CCDC57: variants seen among roughly 807,000 people sequenced by gnomAD.
CCDC57 encodes the protein coiled-coil domain containing 57.
CCDC57 carries 118 observed loss-of-function variants against 118.9 expected under a neutral mutation model. That is an observed-to-expected ratio of 0.99 (90% CI 0.86 to 1.16). The LOEUF (loss-of-function observed/expected upper bound fraction) is 1.16. Among genes scored for constraint, CCDC57 ranks in the 50% most tolerant of loss-of-function variants. The pLI is 0.00. For missense variants in CCDC57, 1,300 were observed against 1,320.7 expected, an observed-to-expected ratio of 0.98 and a Z score of 0.24; for synonymous variants, 527 against 532.9, an observed-to-expected ratio of 0.99 and a Z score of 0.15.
intron 19 of CCDC57, among the ~76,000 whole-genome samples, chr17:82,117,742 C>CAAA (rs1478642747): frequency 8.9e-5 from 12 of 135,068 alleles, no homozygotes; most frequent in African/African-American, 2.9e-4. Flanking sequence ...ATCAGATTGG[C>CAAA]CAACAAACAA....
chr17:82,138,560 GA>G (rs1202807753), intron 16 of CCDC57, among the ~76,000 whole-genome samples: 2 of 152,100 alleles, frequency 1.3e-5, no homozygotes, highest in Non-Finnish European at 2.9e-5. Context: ...AAAGTAAAAA[GA>G]AAAAAGATGT....
chr17:82,148,749 T>G (rs2041350579), intron 16 of CCDC57, among the ~76,000 whole-genome samples: 2 of 13,270 alleles, frequency 1.5e-4, no homozygotes, highest in Non-Finnish European at 2.7e-4. Context: ...GGTGGGTGAA[T>G]GGGTGGGTGG....
chr17:82,112,971 T>C (rs2035395120), intron 19 of CCDC57: 1 of 184,298 alleles, frequency 5.4e-6, no homozygotes, highest in Non-Finnish European at 1.1e-5. Context: ...GAAGCAGAAG[T>C]GAGTGCCAGC....
intron 19 of CCDC57, among the ~76,000 whole-genome samples, chr17:82,104,498 G>A (rs1300212515): frequency 3.3e-5 from 5 of 152,110 alleles, no homozygotes; most frequent in East Asian, 1.9e-4. Context: ...GCTGGGCTCC[G>A]TCCCCTCAGG....
In CCDC57 at chr17:82,201,893, C is replaced by A; in HGVS notation, c.52G>T (p.Glu18Ter). Residue 18 changes from glutamate (E) to a stop codon, truncating the protein, a stop_gained, in exon 3 of 20, where the codon GAG becomes TAG. Transcript: ENST00000665763. LOFTEE classifies it high-confidence loss of function. ...GCCTGCAGCGCCCTCCACTCCTCCTCCTTGCGAAGCAGCAGCTCATTCAGG... is the reference window on the plus strand; with the variant it reads ...GCCTGCAGCGCCCTCCACTCCTCCTACTTGCGAAGCAGCAGCTCATTCAGG... The A allele has an allele frequency of 6.2e-7, 1 of 1,608,828 alleles. No individual in the cohort carries two copies. The highest frequency in any genetic ancestry group is 8.5e-7 in the Non-Finnish European group (1 of 1,176,646).
chr17:82,142,859 G>A (rs559545467), intron 16 of CCDC57, among the ~76,000 whole-genome samples: 7 of 152,026 alleles, frequency 4.6e-5, no homozygotes, highest in Non-Finnish European at 8.8e-5. Context: ...CAAGTAGCTC[G>A]TGAAATAGAA....
chr17:82,182,982 G>A (rs1412746730), intron 9 of CCDC57, among the ~76,000 whole-genome samples: 2 of 152,114 alleles, frequency 1.3e-5, no homozygotes, highest in Non-Finnish European at 2.9e-5. Flanking sequence ...CATCACACCC[G>A]GCCCACCAAA....
At chr17:82,166,313 C>T (rs1339703477) in intron 13 of CCDC57, among the ~76,000 whole-genome samples, 1 of 148,644 alleles carries the variant, frequency 6.7e-6, no homozygotes, top group East Asian at 2.0e-4. Flanking sequence ...AGTTTAAGAT[C>T]AGCCTGGGCA....
chr17:82,184,039 A>ACACACG (rs2046625006), intron 8 of CCDC57, 107 bp from the exon 8 acceptor site: 1 of 406,278 alleles, frequency 2.5e-6, no homozygotes, highest in Non-Finnish European at 4.6e-6. Context: ...GCGCACACAC[A>ACACACG]CACACACACA....
intron 17 of CCDC57, among the ~76,000 whole-genome samples, chr17:82,132,911 C>T (rs929000619): frequency 2.6e-5 from 4 of 151,982 alleles, no homozygotes; most frequent in African/African-American, 7.3e-5. Context: ...AGGCGAGTGC[C>T]ACCATGCCCG....
Position 82,172,620 on chromosome 17 carries a change from T to G in CCDC57, c.1729+18A>C. On this transcript the variant is annotated intron_variant, in intron 12 of 19. Transcript: ENST00000665763. The surrounding 1 kb of genome is among the most constrained non-coding windows in gnomAD (Gnocchi z 5.2). ...CCCCCTTCCTCTCCCGCTCTGTCCGTTTCTCCCACTTACTCACCAGGAGTG... is the reference window on the plus strand; with the variant it reads ...CCCCCTTCCTCTCCCGCTCTGTCCGGTTCTCCCACTTACTCACCAGGAGTG... 6.5e-7 allele frequency: 1 copy of G among 1,547,310 alleles called. No individual in the cohort carries two copies. The highest frequency in any genetic ancestry group is 8.7e-7 in the Non-Finnish European group (1 of 1,144,622).
At chr17:82,128,849 G>C (rs1451728897) in intron 17 of CCDC57, among the ~76,000 whole-genome samples, 2 of 152,162 alleles carry the variant, frequency 1.3e-5, no homozygotes, top group African/African-American at 4.8e-5. Context: ...GGCCTGCCTG[G>C]GGTGAGAGCC....
chr17:82,132,921 G>T (rs542718035), intron 17 of CCDC57, among the ~76,000 whole-genome samples: 1 of 151,802 alleles, frequency 6.6e-6, no homozygotes, highest in Non-Finnish European at 1.5e-5. Flanking sequence ...CACCATGCCC[G>T]GCTAATTTTT....
chr17:82,143,943 C>CAAAAAAA (rs60893321), intron 16 of CCDC57, among the ~76,000 whole-genome samples: 4 of 120,926 alleles, frequency 3.3e-5, no homozygotes, highest in Non-Finnish European at 1.8e-5. Flanking sequence ...ACTAAAAATA[C>CAAAAAAA]AAAAAAAAAA....
chr17:82,127,711 G>C lies in CCDC57; in HGVS notation c.2880C>G (p.Ser960=), dbSNP rs374247944. Residue 960 remains serine (S), a synonymous_variant, in exon 19 of 20, where the codon TCC becomes TCG. Coordinates refer to ENST00000665763, the Ensembl canonical transcript of CCDC57. ...TCCTACCTGGAGTTGAGTCACCCTGGGAGGTGACACCAGAAGGGCTGGATC... is the reference window on the plus strand; with the variant it reads ...TCCTACCTGGAGTTGAGTCACCCTGCGAGGTGACACCAGAAGGGCTGGATC... The C allele has an allele frequency of 1.4e-5, 22 of 1,607,694 alleles. No homozygotes were observed. In the African/African-American group the frequency reaches 2.3e-4, roughly 17 times the overall value.
chr17:82,201,675 T>C (rs1568480550), exon 3 of CCDC57: 1 of 1,613,366 alleles, frequency 6.2e-7, no homozygotes, highest in Non-Finnish European at 8.5e-7. Context: ...CGCTCACCTC[T>C]GCCCGCCTGG....
Position 82,180,838 on chromosome 17 carries a change from AG to A in CCDC57, c.1212-1650del, listed in dbSNP as rs201152414. 7.9e-3 allele frequency among the ~76,000 whole-genome samples: 1,199 copies of A among 152,338 alleles called. 19 individuals carry two copies. Among genetic ancestry groups the A allele is most frequent in the African/African-American group, 0.026 (1,101 of 41,566 alleles). On this transcript the variant is annotated intron_variant, in intron 9 of 19. Transcript: ENST00000665763. ...AAATAAATCTTTAACACAACACAGC[AG>A]CTGTCACCATGCCTATCTTCCCACT...
rs1278851872 is a variant in CCDC57, at chr17:82,183,761, T to G, written c.1211+13A>C. ...GAGACCCTCAATGGAAACATCTGCCTGGGGACAGTTACCTTTCAATGTCCT... is the reference window on the plus strand; with the variant it reads ...GAGACCCTCAATGGAAACATCTGCCGGGGGACAGTTACCTTTCAATGTCCT... On this transcript the variant is annotated intron_variant, in intron 9 of 19. Transcript: ENST00000665763. The G allele has an allele frequency of 1.9e-6, 3 of 1,551,674 alleles. No homozygotes were observed. The highest frequency in any genetic ancestry group is 2.6e-6 in the Non-Finnish European group (3 of 1,146,882).
rs1050983119 is a variant in CCDC57 at position 82,118,620 on chromosome 17, G to A, written c.2899+9072C>T. ...GGTGGAGGCAGGCCTGCTGCAGGGG[G>A]TCGGCTTCAGAAGCAGGTATTTCTT... On this transcript the variant is annotated intron_variant, in intron 19 of 19. Coordinates refer to ENST00000665763, the Ensembl canonical transcript of CCDC57. The surrounding 1 kb of genome is among the most constrained non-coding windows in gnomAD (Gnocchi z 4.7). 4.6e-5 allele frequency among the ~76,000 whole-genome samples: 7 copies of A among 152,076 alleles called. No homozygotes were observed. The highest frequency in any genetic ancestry group is 1.7e-4 in the African/African-American group (7 of 41,406).
Sources: gnomAD v4.1 joint callset for allele counts (sites outside exome capture counted in the v4.1 genomes callset) on GRCh38, gnomAD v4.1.1 for gene constraint, Gnocchi (gnomAD v3.1) non-coding constraint, MANE v1.5 for transcripts, NCBI Gene and HGNC (gene_info 2026-07-23, HGNC 2026-07-21) for gene names.